The following PHF24 variants were observed in gnomAD, a reference collection of about 807,000 sequenced individuals.
The protein encoded by PHF24 is PHD finger protein 24, also known as Galpha inhibitory interacting protein.
PHF24 carries 25 observed loss-of-function variants against 42.6 expected under a neutral mutation model. The ratio of observed to expected loss-of-function variants is 0.59; its 90% CI spans 0.43 to 0.82. PHF24 has a LOEUF of 0.82. Among genes scored for constraint, PHF24 ranks in the 40% least tolerant of loss-of-function variants. PHF24 has a pLI of 0.00. For synonymous variants in PHF24, 185 were observed against 204.8 expected (o/e 0.90, Z 0.83); for missense variants, 470 against 538.1 (o/e 0.87, Z 1.25).
At chr9:34,690,949 A>C in the PHF24 span, 3 of 679,676 alleles carry the variant, frequency 4.4e-6, no homozygotes, top group Non-Finnish European at 7.4e-6. Flanking sequence ...GGGACCTGCC[A>C]GGCTCACCGA....
the PHF24 span, among the ~76,000 whole-genome samples, chr9:34,853,534 AT>A: frequency 6.6e-6 from 1 of 152,214 alleles, no homozygotes; most frequent in Non-Finnish European, 1.5e-5. Flanking sequence ...TTCAATAGAA[AT>A]GGCACCAGCT....
the PHF24 span, chr9:34,832,631 G>C: frequency 1.3e-6 from 2 of 1,541,260 alleles, no homozygotes; most frequent in Non-Finnish European, 1.8e-6. Context: ...CTTTTGTCTT[G>C]GGGTTAATAC....
At chr9:34,737,919 A>G in the PHF24 span, among the ~76,000 whole-genome samples, 1 of 150,736 alleles carries the variant, frequency 6.6e-6, no homozygotes, top group South Asian at 2.1e-4. Context: ...TAGTGTAAGC[A>G]TTGTTGTGTC....
At chr9:34,977,087 C>G (rs1827217917) in exon 6 of PHF24, 1 of 1,591,700 alleles carries the variant, frequency 6.3e-7, no homozygotes, top group Non-Finnish European at 8.6e-7. Context: ...CCCCAGAACT[C>G]TCTGTTGAGG....
chr9:34,972,822 G>C (rs1002752691), intron 3 of PHF24, among the ~76,000 whole-genome samples: 1 of 149,258 alleles, frequency 6.7e-6, no homozygotes, highest in African/African-American at 2.5e-5. Flanking sequence ...GCTGAGGTAG[G>C]AGAATCACTT....
the PHF24 span, among the ~76,000 whole-genome samples, chr9:34,942,572 C>T: frequency 6.6e-6 from 1 of 152,090 alleles, no homozygotes; most frequent in African/African-American, 2.4e-5. Flanking sequence ...GGGGCATTAA[C>T]ATAACCCTGA....
the PHF24 span, among the ~76,000 whole-genome samples, chr9:34,919,501 T>G: frequency 5.9e-5 from 9 of 152,200 alleles, no homozygotes; most frequent in African/African-American, 1.9e-4. Context: ...ACTATCTTCA[T>G]GAGATCAACT....
At chr9:34,912,821 A>G in the PHF24 span, among the ~76,000 whole-genome samples, 389 of 152,354 alleles carry the variant, frequency 2.6e-3, 1 homozygote, top group Non-Finnish European at 4.0e-3. Context: ...ATTAAGAATT[A>G]AGAAAATGTA....
the PHF24 span, among the ~76,000 whole-genome samples, chr9:34,786,781 A>G: frequency 6.6e-6 from 1 of 152,140 alleles, no homozygotes; most frequent in Non-Finnish European, 1.5e-5. Flanking sequence ...TGTACCTAAG[A>G]GCTGCTGAGA....
the PHF24 span, among the ~76,000 whole-genome samples, chr9:34,744,492 A>T: frequency 2.6e-5 from 4 of 152,230 alleles, no homozygotes; most frequent in African/African-American, 9.6e-5. Context: ...TTGCTTTCTG[A>T]TGAGGAGGTG....
At chr9:34,835,920 A>G in the PHF24 span, 1 of 786,082 alleles carries the variant, frequency 1.3e-6, no homozygotes. Context: ...TCCTCGACAA[A>G]GTTGGGGAGA....
chr9:34,734,094 T>C, the PHF24 span, among the ~76,000 whole-genome samples: 1 of 152,212 alleles, frequency 6.6e-6, no homozygotes, highest in African/African-American at 2.4e-5. Flanking sequence ...CAAGACACTG[T>C]AAATTCACAA....
the PHF24 span, among the ~76,000 whole-genome samples, chr9:34,874,741 G>T: frequency 6.6e-6 from 1 of 152,142 alleles, no homozygotes; most frequent in East Asian, 1.9e-4. Flanking sequence ...CCAGTCAAAG[G>T]TAAGTTAGTA....
the PHF24 span, among the ~76,000 whole-genome samples, chr9:34,747,891 C>CA: frequency 1.1e-4 from 17 of 148,922 alleles, no homozygotes; most frequent in South Asian, 1.5e-3. Flanking sequence ...AAACCAGAAG[C>CA]AAAAAAAAAT....
the PHF24 span, among the ~76,000 whole-genome samples, chr9:34,676,766 G>A: frequency 1.9e-4 from 29 of 152,308 alleles, no homozygotes; most frequent in African/African-American, 6.0e-4. Context: ...TTACAATCAC[G>A]GCAGAAGCTG....
chr9:34,805,635 ATACT>A, the PHF24 span, among the ~76,000 whole-genome samples: 4 of 152,200 alleles, frequency 2.6e-5, no homozygotes, highest in South Asian at 2.1e-4. Flanking sequence ...TGATTTGCAA[ATACT>A]TACTTCCATT....
the PHF24 span, among the ~76,000 whole-genome samples, chr9:34,886,539 T>A: frequency 6.6e-6 from 1 of 152,152 alleles, no homozygotes; most frequent in African/African-American, 2.4e-5. Flanking sequence ...TTAAAACACT[T>A]TCCTTTCTTG....
the PHF24 span, among the ~76,000 whole-genome samples, chr9:34,857,032 T>A: frequency 1.3e-5 from 2 of 152,192 alleles, no homozygotes; most frequent in African/African-American, 2.4e-5. Flanking sequence ...CAAAACTGAC[T>A]GGCCACAGTC....
chr9:34,846,479 A>G, the PHF24 span, among the ~76,000 whole-genome samples: 1 of 151,806 alleles, frequency 6.6e-6, no homozygotes, highest in Non-Finnish European at 1.5e-5. Flanking sequence ...GTTTGAGTTC[A>G]TTGTAGATGC....
Sources: gnomAD v4.1 joint callset for allele counts (sites outside exome capture counted in the v4.1 genomes callset) on GRCh38, gnomAD v4.1.1 for gene constraint, MANE v1.5 for transcripts, NCBI Gene and HGNC (gene_info 2026-07-23, HGNC 2026-07-21) for gene names.